The following GUCY1A2 variants were observed in gnomAD, a reference collection of about 807,000 sequenced individuals.
GUCY1A2 encodes the protein guanylate cyclase soluble subunit alpha-2.
A neutral mutation model predicts 63.5 loss-of-function variants in GUCY1A2; 27 were observed. The observed-to-expected ratio is 0.43, with a 90% CI of 0.31 to 0.59. The LOEUF (loss-of-function observed/expected upper bound fraction) is 0.59. Among genes scored for constraint, GUCY1A2 ranks in the 20% least tolerant of loss-of-function variants. The pLI is 0.11. For missense variants in GUCY1A2, 768 were observed against 913.3 expected, an observed-to-expected ratio of 0.84 and a Z score of 2.05; for synonymous variants, 364 against 343.5, an observed-to-expected ratio of 1.06 and a Z score of -0.66.
intron 6 of GUCY1A2, among the ~76,000 whole-genome samples, chr11:106,738,335 C>G (rs979372844): frequency 6.6e-6 from 1 of 152,236 alleles, no homozygotes; most frequent in Non-Finnish European, 1.5e-5. Context: ...CTCCCATTCT[C>G]TAGGTTGCCT....
At chr11:107,009,447 C>T (rs919014496) in intron 1 of GUCY1A2, among the ~76,000 whole-genome samples, 2 of 152,180 alleles carry the variant, frequency 1.3e-5, no homozygotes, top group African/African-American at 4.8e-5. Context: ...AATTCACCCT[C>T]ACAACCACCC....
At chr11:106,759,320 T>C (rs1343114572) in intron 6 of GUCY1A2, among the ~76,000 whole-genome samples, 1 of 152,134 alleles carries the variant, frequency 6.6e-6, no homozygotes, top group East Asian at 1.9e-4. Flanking sequence ...GTAATGTCCA[T>C]CAATTCCAGA....
chr11:106,947,547 T>C (rs938718626), intron 3 of GUCY1A2, among the ~76,000 whole-genome samples: 1 of 151,958 alleles, frequency 6.6e-6, no homozygotes, highest in Admixed American at 6.6e-5. Context: ...ACTCAAAACA[T>C]TTGTATATGT....
intron 3 of GUCY1A2, among the ~76,000 whole-genome samples, chr11:106,954,246 T>G (rs1167378259): frequency 6.6e-6 from 1 of 152,192 alleles, no homozygotes; most frequent in Non-Finnish European, 1.5e-5. Flanking sequence ...ACTTTTTGAT[T>G]TCTGCTTTAA....
intron 6 of GUCY1A2, among the ~76,000 whole-genome samples, chr11:106,770,564 T>C (rs570196471): frequency 9.6e-4 from 146 of 152,176 alleles, no homozygotes; most frequent in African/African-American, 3.1e-3. Flanking sequence ...AGGTTTCCTC[T>C]GGAAATAGCA....
At chr11:106,724,397 C>G (rs1863368172) in intron 6 of GUCY1A2, among the ~76,000 whole-genome samples, 1 of 152,278 alleles carries the variant, frequency 6.6e-6, no homozygotes, top group African/African-American at 2.4e-5. Context: ...GTAGCTAGAT[C>G]CACAAAAATT....
intron 4 of GUCY1A2, among the ~76,000 whole-genome samples, chr11:106,862,647 T>C (rs758676348): frequency 6.6e-6 from 1 of 152,030 alleles, no homozygotes. Context: ...ATTAATACTA[T>C]ACTGAACCGT....
chr11:106,707,167 T>G (rs1862929216), intron 7 of GUCY1A2, among the ~76,000 whole-genome samples: 1 of 152,100 alleles, frequency 6.6e-6, no homozygotes, highest in African/African-American at 2.4e-5. Context: ...AAATGTATTT[T>G]TAATGTGCAC....
rs1367118367 is a variant in GUCY1A2 at position 106,699,787 on chromosome 11, TTC to T, written c.1991+8723_1991+8724del. Among the ~76,000 whole-genome samples, 17 of 152,206 alleles carry T rather than the reference TTC, an allele frequency of 1.1e-4. No homozygotes were observed. In the East Asian group the frequency reaches 3.3e-3, roughly 29 times the overall value. On this transcript the variant is annotated intron_variant, in intron 7 of 7. Transcript: ENST00000526355. ...GAAAAATATGTCTTTTTTCTTTTTT[TTC>T]TTTTTTTTTTGAGGCGGAGTCTCGG...
At chr11:106,792,203 T>G (rs1467953502) in intron 5 of GUCY1A2, among the ~76,000 whole-genome samples, 1 of 151,858 alleles carries the variant, frequency 6.6e-6, no homozygotes, top group Non-Finnish European at 1.5e-5. Context: ...TTGGCCAACA[T>G]AGTGAAACCC....
At chr11:107,014,448 T>A (rs1011822965) in intron 1 of GUCY1A2, among the ~76,000 whole-genome samples, 1 of 152,222 alleles carries the variant, frequency 6.6e-6, no homozygotes, top group Non-Finnish European at 1.5e-5. Flanking sequence ...TCCCAGATAT[T>A]TAAAGTAATG....
At position 106,687,753 on chromosome 11, in the gene GUCY1A2, T is replaced by C; in HGVS notation, c.1995A>G (p.Leu665=). 6.2e-7 allele frequency: 1 copy of C among 1,601,860 alleles called. No individual in the cohort carries two copies. Among genetic ancestry groups the C allele is most frequent in the Non-Finnish European group, 8.6e-7 (1 of 1,168,852 alleles). ...RINVSPTTYQ[L]LKREESFTFI... is the part of the protein sequence containing the mutation. ...ATGTGAAACTTTCTTCTCGTTTTAA[T>C]AATCTAAGAAGAAAATACAGAGCAC... Residue 665 remains leucine, a synonymous_variant, in exon 8 of 8, where the codon TTA becomes TTG. Transcript: ENST00000526355.
chr11:106,927,297 CG>C (rs1441795864), intron 4 of GUCY1A2, among the ~76,000 whole-genome samples: 3 of 151,184 alleles, frequency 2.0e-5, no homozygotes, highest in Non-Finnish European at 2.9e-5. Flanking sequence ...GGCACGAACC[CG>C]GGGGGCGGAG....
intron 4 of GUCY1A2, among the ~76,000 whole-genome samples, chr11:106,816,790 A>G (rs943163058): frequency 6.6e-6 from 1 of 152,024 alleles, no homozygotes; most frequent in Non-Finnish European, 1.5e-5. Context: ...TAATATAGAC[A>G]TTACAAGAAT....
chr11:106,720,338 G>T (rs1055913728), intron 6 of GUCY1A2, among the ~76,000 whole-genome samples: 22 of 152,182 alleles, frequency 1.4e-4, no homozygotes, highest in African/African-American at 5.3e-4. Context: ...TTGGGCGTTG[G>T]TCATTCCAGA....
chr11:106,964,033 CTACACACACACATACACACGTA>C (rs1861094145), intron 3 of GUCY1A2, among the ~76,000 whole-genome samples: 1 of 151,566 alleles, frequency 6.6e-6, no homozygotes, highest in African/African-American at 2.4e-5. Context: ...TTCTCTTTTG[CTACACACACACATACACACGTA>C]TACACACACA....
chr11:106,748,171 A>C (rs1415489207), intron 6 of GUCY1A2, among the ~76,000 whole-genome samples: 5 of 152,202 alleles, frequency 3.3e-5, no homozygotes, highest in African/African-American at 1.2e-4. Flanking sequence ...AGAGCATAAA[A>C]ATTACAGGTA....
intron 6 of GUCY1A2, among the ~76,000 whole-genome samples, chr11:106,755,336 T>C (rs961934974): frequency 6.6e-6 from 1 of 152,170 alleles, no homozygotes; most frequent in African/African-American, 2.4e-5. Flanking sequence ...TTTTTTTGTG[T>C]CTCTACCTCC....
At chr11:106,968,858 C>T (rs899084364) in intron 3 of GUCY1A2, among the ~76,000 whole-genome samples, 5 of 14,434 alleles carry the variant, frequency 3.5e-4, no homozygotes, top group Admixed American at 2.3e-3. Flanking sequence ...TAGGAAAAAA[C>T]CACAACAGAC....
Sources: allele counts gnomAD v4.1 joint callset (sites outside exome capture counted in the v4.1 genomes callset), GRCh38; gene constraint gnomAD v4.1.1; transcripts MANE v1.5; gene names NCBI Gene and HGNC (gene_info 2026-07-23, HGNC 2026-07-21).